Variants in FNDC7 observed in about 807,000 individuals in gnomAD.
FNDC7 encodes the protein fibronectin type III domain containing 7.
In FNDC7, 66 loss-of-function variants were observed where a neutral mutation model predicts 74.2. The ratio of observed to expected loss-of-function variants is 0.89; its 90% confidence interval spans 0.73 to 1.09. The LOEUF is 1.09. Among genes scored for constraint, FNDC7 ranks in the 50% least tolerant of loss-of-function variants. The pLI, the probability that FNDC7 is intolerant of heterozygous loss-of-function variation, is 0.00. For synonymous variants in FNDC7, 307 were observed against 330.2 expected, an observed-to-expected ratio of 0.93 and a Z score of 0.76; for missense variants, 829 against 893.4, an observed-to-expected ratio of 0.93 and a Z score of 0.92.
At chr1:108,715,558 A>G (rs1324888705) in intron 2 of FNDC7, among the ~76,000 whole-genome samples, 2 of 152,122 alleles carry the variant, frequency 1.3e-5, no homozygotes, top group Non-Finnish European at 2.9e-5. Context: ...ACTCCTCAGA[A>G]TCCCACTTTC....
In FNDC7 at chr1:108,718,003, G is replaced by A. The variant is rs946748568; in HGVS notation, c.309G>A (p.Gln103=). The A allele has an allele frequency of 6.4e-6, 10 of 1,551,606 alleles. No individual in the cohort carries two copies. In the African/African-American group the frequency reaches 1.1e-4, roughly 17 times the overall value. ...CCATCAGCGCTGCTGGGAGAAGCCA[G>A]GCGTCACCTCCAAAGCAGGCAAAGA... is the stretch of plus-strand genomic sequence containing the variant. ...IRSISAAGRS[Q]ASPPKQAKTV... Residue 103 remains glutamine, a synonymous_variant, in exon 3 of 13, where the codon CAG becomes CAA. Transcript: ENST00000370017.
chr1:108,737,941 G>C (rs1204068365), intron 11 of FNDC7, among the ~76,000 whole-genome samples: 1 of 152,198 alleles, frequency 6.6e-6, no homozygotes, highest in African/African-American at 2.4e-5. Flanking sequence ...ATCAGGAGTT[G>C]TAAAAGCTCT....
Position 108,733,133 on chromosome 1 carries a change from C to A in FNDC7, c.1880-139C>A, listed in dbSNP as rs942638409. 4 of 1,065,560 alleles carry A rather than the reference C, an allele frequency of 3.8e-6. No homozygotes were observed. The African/African-American group carries it at 6.4e-5, about 17-fold the overall frequency. The allele number at this position is 1,065,560 out of a possible 1,614,324, so 66.0% of individuals were successfully genotyped here. A position where few individuals can be genotyped will look rare whatever the true frequency, so the allele number is the denominator to read the frequency against. ...AAATAACTCGAGTACCCCTTCAAAT[C>A]TTGCTCTGATCTAACCAGTAATTAA... On this transcript the variant is annotated intron_variant, in intron 9 of 12. Coordinates refer to ENST00000370017, the MANE Select transcript of FNDC7 (RefSeq NM_001144937.3).
intron 4 of FNDC7, 134 bp from the exon 5 acceptor site, chr1:108,722,201 A>G (rs2101079858): frequency 5.5e-6 from 5 of 914,744 alleles, no homozygotes; most frequent in Non-Finnish European, 7.9e-6. Flanking sequence ...CTAAATCCCA[A>G]TTTTATGCTT....
chr1:108,728,009 C>T lies in FNDC7; in HGVS notation c.1313C>T (p.Ser438Leu), dbSNP rs1661257721. The change falls in exon 7 of 13, where the codon TCA becomes TTA. Residue 438 changes from serine to leucine, a missense_variant. Coordinates refer to ENST00000370017, the MANE Select transcript of FNDC7 (RefSeq NM_001144937.3). Reference sequence around the variant, plus strand: ...ACCAAGTACAACATCACAGTGTATTCATTCAATGAAGTCCGAGGCAGCAAT... The same window carrying T: ...ACCAAGTACAACATCACAGTGTATTTATTCAATGAAGTCCGAGGCAGCAAT... ...CDTKYNITVYSFNEVRGSNMS... is the reference protein window; with the variant it reads ...CDTKYNITVYLFNEVRGSNMS... The T allele has an allele frequency of 4.3e-6, 7 of 1,614,178 alleles. No individual in the cohort carries two copies. The East Asian group carries it at 1.6e-4, about 36-fold the overall frequency.
chr1:108,728,632 C>A lies in FNDC7; in HGVS notation c.1370C>A (p.Ala457Asp), dbSNP rs1661271381. Residue 457 changes from alanine to aspartate, a missense_variant and splice_region_variant, in exon 8 of 13, where the codon GCT becomes GAT. By Grantham distance (126) the Ala-to-Asp change is moderately radical. Coordinates refer to ENST00000370017, the MANE Select transcript of FNDC7 (RefSeq NM_001144937.3). Reference sequence around the variant, plus strand: ...CAATTAATACTCTAAAATGTCTTAGCTCCTTGCAGTCCTGAAATAAAAAAT... The same window carrying A: ...CAATTAATACTCTAAAATGTCTTAGATCCTTGCAGTCCTGAAATAAAAAAT... ...MSCTPQFITT[A>D]PCSPEIKNVS... 6.2e-7 allele frequency: 1 copy of A among 1,614,132 alleles called. No homozygotes were observed. The highest frequency in any genetic ancestry group is 2.2e-5 in the East Asian group (1 of 44,884).
chr1:108,730,291 C>A (rs896670043), intron 8 of FNDC7, among the ~76,000 whole-genome samples: 1 of 150,882 alleles, frequency 6.6e-6, no homozygotes, highest in Admixed American at 6.6e-5. Flanking sequence ...GCAGAAGAAT[C>A]GCTTGAACCT....
rs534211882 is a variant in FNDC7 at position 108,713,435 on chromosome 1, G to A, written c.64-76G>A. 167 of 1,210,648 alleles carry A rather than the reference G, an allele frequency of 1.4e-4. No homozygotes were observed. The East Asian group carries it at 1.5e-3, about 11-fold the overall frequency. 75.0% of individuals were successfully genotyped at this position (1,210,648 alleles called of 1,614,324 possible). A position where few individuals can be genotyped will look rare whatever the true frequency, so the allele number is the denominator to read the frequency against. On this transcript the variant is annotated intron_variant, in intron 1 of 12. Transcript: ENST00000370017. ...AAAATGTTGTGATTAATTTATTACC[G>A]CTTTTATTCATGTTTTACGTTTGTT...
At chr1:108,727,574 G>T (rs1256674703) in intron 6 of FNDC7, among the ~76,000 whole-genome samples, 4 of 152,036 alleles carry the variant, frequency 2.6e-5, no homozygotes, top group African/African-American at 9.7e-5. Flanking sequence ...GGGAGTGGGG[G>T]GAGTACAGCA....
chr1:108,727,963 C>T lies in FNDC7; in HGVS notation c.1267C>T (p.Leu423Phe), dbSNP rs778483561. The T allele has an allele frequency of 6.2e-7, 1 of 1,614,068 alleles. No individual in the cohort carries two copies. Among genetic ancestry groups the T allele is most frequent in the East Asian group, 2.2e-5 (1 of 44,890 alleles). The part of the protein sequence containing the change: ...ECNDTTPACT[L>F]SALECDTKYN... ...CAATGACACTACTCCTGCGTGCACC[C>T]TTTCGGCTCTAGAGTGTGACACCAA... The change falls in exon 7 of 13, where the codon CTT (leucine) becomes TTT (phenylalanine). Residue 423 changes from leucine to phenylalanine, a missense_variant. Physicochemically the swap from Leu to Phe is conservative, Grantham distance 22. Transcript: ENST00000370017.
chr1:108,718,766 T>C, intron 3 of FNDC7, 23 bp from the exon 4 acceptor site: 1 of 1,548,444 alleles, frequency 6.5e-7, no homozygotes, highest in Non-Finnish European at 8.7e-7. Flanking sequence ...GTAACACAAA[T>C]GCATGTGTTT....
chr1:108,724,745 C>T (rs57353467), intron 5 of FNDC7, among the ~76,000 whole-genome samples: 21,796 of 148,512 alleles, frequency 0.15, 1,646 homozygotes, highest in Middle Eastern at 0.17. Flanking sequence ...CAGAGCGAGA[C>T]CTTGTCTCCA....
chr1:108,725,228 C>A (rs959908588), intron 5 of FNDC7, among the ~76,000 whole-genome samples: 1 of 152,268 alleles, frequency 6.6e-6, no homozygotes, highest in East Asian at 1.9e-4. Context: ...AGACAACTTA[C>A]CAACCTCTAT....
At chr1:108,735,824 G>T (rs1437139308) in intron 10 of FNDC7, among the ~76,000 whole-genome samples, 2 of 151,840 alleles carry the variant, frequency 1.3e-5, no homozygotes, top group East Asian at 3.9e-4. Context: ...GTTTTTTATT[G>T]AGAAAGGGTC....
At position 108,722,362 on chromosome 1, in the gene FNDC7, T is replaced by G. The variant is rs776868798; in HGVS notation, c.626T>G (p.Val209Gly). The change falls in exon 5 of 13, where the codon GTC (valine) becomes GGC (glycine). Residue 209 changes from valine (V) to glycine (G), a missense_variant. Val to Gly is a moderately radical substitution (Grantham distance 109). Transcript: ENST00000370017. ...CCTCGGGCCCCTGCCAACATTCAAG[T>G]CTCTTTCGATAGTGGAGCTCTGAAG... ...TSPRAPANIQ[V>G]SFDSGALKAS... 3.7e-6 allele frequency: 6 copies of G among 1,612,282 alleles called. No individual in the cohort carries two copies. The Admixed American group carries it at 1.0e-4, about 27-fold the overall frequency.
rs1377454911 is a variant in FNDC7, at chr1:108,722,438, G to A, written c.702G>A (p.Met234Ile). The A allele has an allele frequency of 1.5e-5, 24 of 1,614,088 alleles. No homozygotes were observed. The East Asian group carries it at 5.3e-4, about 36-fold the overall frequency. ...RAEGAFNYTV[M>I]ALSDSSELTC... ...AAGGAGCTTTCAATTATACTGTGAT[G>A]GCTTTGAGCGACTCTTCAGAGCTGA... The change falls in exon 5 of 13, where the codon ATG (methionine) becomes ATA (isoleucine). Residue 234 changes from methionine (M) to isoleucine (I), a missense_variant. By Grantham distance (10) the Met-to-Ile change is conservative (BLOSUM62 1). Transcript: ENST00000370017.
chr1:108,738,071 G>A lies in FNDC7; in HGVS notation c.2170+547G>A, dbSNP rs115851099. 3.3e-3 allele frequency among the ~76,000 whole-genome samples: 495 copies of A among 152,300 alleles called. 1 individual carries two copies. The highest frequency in any genetic ancestry group is 0.011 in the African/African-American group (475 of 41,564). ...GTTAAAGCCAGATTCTGATTTGGTC[G>A]GTGTAGGAAGTGTCTGAGACTCCGT... On this transcript the variant is annotated intron_variant, in intron 11 of 12. Transcript: ENST00000370017.
intron 3 of FNDC7, 102 bp downstream of exon 3, chr1:108,718,133 G>A (rs961588826): frequency 4.2e-6 from 6 of 1,423,446 alleles, no homozygotes; most frequent in Non-Finnish European, 5.7e-6. Context: ...TCACATGAGT[G>A]CCTACAATTC....
chr1:108,742,503 A>G lies in FNDC7; in HGVS notation c.*616A>G, dbSNP rs1189361701. 1 of 152,280 alleles carries G rather than the reference A, an allele frequency of 6.6e-6. No homozygotes were observed. The highest frequency in any genetic ancestry group is 1.5e-5 in the Non-Finnish European group (1 of 68,082). The allele number at this position is 152,280 out of a possible 1,614,324, so 9.4% of individuals were successfully genotyped here. A position where few individuals can be genotyped will look rare whatever the true frequency, so the allele number is the denominator to read the frequency against. ...GAGCCAAAGCATCAGGTGGCGTGAC[A>G]TCTATGGGAGCATCTGGGAAAGCAG... On this transcript the variant is annotated 3_prime_UTR_variant, in exon 13 of 13. Transcript: ENST00000370017.
Sources: gnomAD v4.1 joint callset for allele counts (sites outside exome capture counted in the v4.1 genomes callset) on GRCh38, gnomAD v4.1.1 for gene constraint, MANE v1.5 for transcripts, NCBI Gene and HGNC (gene_info 2026-07-23, HGNC 2026-07-21) for gene names.